SCFD2: variants seen among roughly 807,000 people sequenced by gnomAD.
SCFD2 encodes the protein sec1 family domain-containing protein 2.
A neutral mutation model predicts 58.9 loss-of-function variants in SCFD2; 54 were observed. That is an observed-to-expected ratio of 0.92 (90% CI 0.74 to 1.15). The LOEUF is 1.15. SCFD2 is among the 50% of genes most tolerant of loss of function. SCFD2 has a pLI of 0.00. For synonymous variants in SCFD2, 321 were observed against 335.9 expected (o/e 0.96, Z 0.49); for missense variants, 805 against 836.6 (o/e 0.96, Z 0.47).
At chr4:53,004,872 C>T (rs539985380) in intron 5 of SCFD2, among the ~76,000 whole-genome samples, 5 of 152,218 alleles carry the variant, frequency 3.3e-5, no homozygotes, top group African/African-American at 7.2e-5. Flanking sequence ...CATGAAACCT[C>T]ACTGCTCTCA....
intron 6 of SCFD2, among the ~76,000 whole-genome samples, chr4:52,910,446 C>T (rs867417900): frequency 2.0e-4 from 30 of 152,134 alleles, no homozygotes; most frequent in African/African-American, 6.8e-4. Flanking sequence ...CACTATAAAA[C>T]CTTGTATGTT....
At chr4:53,162,555 A>G (rs1726883133) in intron 4 of SCFD2, among the ~76,000 whole-genome samples, 1 of 152,168 alleles carries the variant, frequency 6.6e-6, no homozygotes, top group African/African-American at 2.4e-5. Context: ...AGTCCCACCA[A>G]CAGTGTAAAA....
intron 5 of SCFD2, among the ~76,000 whole-genome samples, chr4:53,101,910 T>A (rs749697815): frequency 2.0e-5 from 3 of 151,872 alleles, no homozygotes; most frequent in Non-Finnish European, 4.4e-5. Context: ...TTACTACACA[T>A]GAATTTTCAC....
At chr4:53,205,712 A>G (rs1728385388) in intron 4 of SCFD2, among the ~76,000 whole-genome samples, 1 of 152,040 alleles carries the variant, frequency 6.6e-6, no homozygotes, top group Non-Finnish European at 1.5e-5. Flanking sequence ...ATACAAAAAA[A>G]TTAGCTGGGC....
chr4:52,890,780 GA>G (rs1192700501), intron 7 of SCFD2, among the ~76,000 whole-genome samples: 1 of 152,142 alleles, frequency 6.6e-6, no homozygotes, highest in Admixed American at 6.5e-5. Context: ...AGGTTGCTGA[GA>G]CCCCTTTTGA....
intron 4 of SCFD2, among the ~76,000 whole-genome samples, chr4:53,272,783 A>T (rs1193210664): frequency 6.6e-6 from 1 of 152,202 alleles, no homozygotes; most frequent in Non-Finnish European, 1.5e-5. Flanking sequence ...GCAGCACATC[A>T]ACGTGGCACA....
chr4:53,182,682 G>C (rs137912765), intron 4 of SCFD2, among the ~76,000 whole-genome samples: 2 of 151,946 alleles, frequency 1.3e-5, no homozygotes, highest in African/African-American at 4.8e-5. Context: ...GAGCTTCTGC[G>C]CAGCAAAAGA....
chr4:53,083,489 C>T (rs969195147), intron 5 of SCFD2, among the ~76,000 whole-genome samples: 11 of 152,094 alleles, frequency 7.2e-5, no homozygotes, highest in African/African-American at 2.7e-4. Flanking sequence ...CAGACAATCA[C>T]ACATGAAAAA....
chr4:52,951,738 A>G (rs1720598537), intron 5 of SCFD2, among the ~76,000 whole-genome samples: 1 of 152,200 alleles, frequency 6.6e-6, no homozygotes, highest in South Asian at 2.1e-4. Context: ...TGGAGACCTC[A>G]AGATGGTGCA....
chr4:52,925,274 T>C (rs1719836213), intron 5 of SCFD2, among the ~76,000 whole-genome samples: 1 of 151,352 alleles, frequency 6.6e-6, no homozygotes, highest in South Asian at 2.1e-4. Flanking sequence ...TATATATATA[T>C]GTATGCTATA....
intron 4 of SCFD2, among the ~76,000 whole-genome samples, chr4:53,195,821 A>T (rs928177291): frequency 4.6e-5 from 7 of 152,198 alleles, no homozygotes; most frequent in African/African-American, 1.7e-4. Flanking sequence ...TTCTATGGCA[A>T]TTTCCAAGAT....
At chr4:53,211,968 A>G (rs1728626314) in intron 4 of SCFD2, among the ~76,000 whole-genome samples, 1 of 152,096 alleles carries the variant, frequency 6.6e-6, no homozygotes, top group South Asian at 2.1e-4. Flanking sequence ...ACTACCAGCT[A>G]AAGAGTTTGA....
At chr4:52,944,812 T>G (rs1344284988) in intron 5 of SCFD2, among the ~76,000 whole-genome samples, 2 of 152,184 alleles carry the variant, frequency 1.3e-5, no homozygotes, top group African/African-American at 4.8e-5. Context: ...GGTTAACTGG[T>G]GGAAGGAGAA....
intron 5 of SCFD2, among the ~76,000 whole-genome samples, chr4:52,938,695 G>C (rs1720207897): frequency 6.6e-6 from 1 of 152,074 alleles, no homozygotes; most frequent in Admixed American, 6.5e-5. Context: ...CTCTTAAGCA[G>C]GCTAAGCAGT....
chr4:53,360,803 G>A (rs1238047011), intron 1 of SCFD2, among the ~76,000 whole-genome samples: 6 of 152,152 alleles, frequency 3.9e-5, no homozygotes, highest in Admixed American at 3.3e-4. Flanking sequence ...AGTAACTTTT[G>A]GGGGTTCAAT....
intron 4 of SCFD2, among the ~76,000 whole-genome samples, chr4:53,211,566 G>A (rs574146208): frequency 5.3e-5 from 8 of 152,194 alleles, no homozygotes; most frequent in Non-Finnish European, 8.8e-5. Flanking sequence ...TGGGATGGGG[G>A]TCAGTCTTGG....
intron 4 of SCFD2, among the ~76,000 whole-genome samples, chr4:53,241,922 T>G (rs1729906387): frequency 6.6e-6 from 1 of 152,208 alleles, no homozygotes; most frequent in Non-Finnish European, 1.5e-5. Flanking sequence ...ACCACCTGCA[T>G]GGACATGTAC....
rs577805059 is a variant in SCFD2 at position 52,971,729 on chromosome 4, T to A, written c.1562-50859A>T. 1.7e-4 allele frequency among the ~76,000 whole-genome samples: 26 copies of A among 152,068 alleles called. No individual in the cohort carries two copies. The South Asian group carries it at 5.2e-3, about 30-fold the overall frequency. On this transcript the variant is annotated intron_variant, in intron 5 of 8. Coordinates refer to ENST00000401642, the MANE Select transcript of SCFD2 (RefSeq NM_152540.4). Reference sequence around the variant, plus strand: ...CACATAATTGTCAGATTCACCAAAGTTGAAATGAAGGAAAAAATGTTCAGG... The same window carrying A: ...CACATAATTGTCAGATTCACCAAAGATGAAATGAAGGAAAAAATGTTCAGG...
At chr4:52,877,498 G>A (rs1470101348) in intron 8 of SCFD2, among the ~76,000 whole-genome samples, 1 of 152,172 alleles carries the variant, frequency 6.6e-6, no homozygotes, top group Non-Finnish European at 1.5e-5. Context: ...AATGACCCTG[G>A]AGAAGTTGCT....
Sources: allele counts gnomAD v4.1 joint callset (sites outside exome capture counted in the v4.1 genomes callset), GRCh38; gene constraint gnomAD v4.1.1; transcripts MANE v1.5; gene names NCBI Gene and HGNC (gene_info 2026-07-23, HGNC 2026-07-21).